The following LAMC1 variants were observed in gnomAD, a reference collection of about 807,000 sequenced individuals.
LAMC1 encodes laminin subunit gamma-1.
A neutral mutation model predicts 173.6 loss-of-function variants in LAMC1; 38 were observed. The ratio of observed to expected loss-of-function variants is 0.22; its 90% CI spans 0.17 to 0.29. The LOEUF (loss-of-function observed/expected upper bound fraction) is 0.29. LAMC1 is among the 10% of genes least tolerant of loss of function. The probability of loss-of-function intolerance (pLI) is 1.00; values close to 1 mark genes in which losing one functional copy is unlikely to be tolerated. For synonymous variants in LAMC1, 746 were observed against 749.1 expected, an observed-to-expected ratio of 1.00 and a Z score of 0.07; for missense variants, 1,824 against 2,051.8, an observed-to-expected ratio of 0.89 and a Z score of 2.14.
chr1:183,125,324 T>G, intron 14 of LAMC1, 73 bp from the exon 15 acceptor site: 1 of 1,530,898 alleles, frequency 6.5e-7, no homozygotes, highest in Non-Finnish European at 9.0e-7. Context: ...AAAGAATCTC[T>G]TTAGGTTGTT....
At chr1:183,059,386 A>G (rs1326667217) in intron 1 of LAMC1, among the ~76,000 whole-genome samples, 1 of 152,162 alleles carries the variant, frequency 6.6e-6, no homozygotes, top group Non-Finnish European at 1.5e-5. Context: ...TGTGGTTTGT[A>G]TTAATAACTC....
chr1:183,133,316 C>A, intron 21 of LAMC1, 90 bp from the exon 22 acceptor site: 1 of 1,093,054 alleles, frequency 9.1e-7, no homozygotes, highest in Non-Finnish European at 1.3e-6. Flanking sequence ...AGGTTTTGGG[C>A]GTATTATCAC....
intron 11 of LAMC1, among the ~76,000 whole-genome samples, chr1:183,120,854 T>C (rs1435668097): frequency 6.6e-6 from 1 of 152,212 alleles, no homozygotes; most frequent in Non-Finnish European, 1.5e-5. Flanking sequence ...TTTTTGGCTG[T>C]TTTACAGAGG....
At chr1:183,077,148 C>A (rs1655137039) in intron 1 of LAMC1, among the ~76,000 whole-genome samples, 1 of 152,140 alleles carries the variant, frequency 6.6e-6, no homozygotes, top group African/African-American at 2.4e-5. Flanking sequence ...CAATCTCAAA[C>A]CCAACTTGCC....
intron 21 of LAMC1, 146 bp from the exon 22 acceptor site, chr1:183,133,260 A>C: frequency 1.4e-6 from 1 of 715,854 alleles, no homozygotes; most frequent in Non-Finnish European, 2.4e-6. Flanking sequence ...AAATATGCAA[A>C]ATGTTGGTAT....
At chr1:183,026,451 C>T (rs970659248) in intron 1 of LAMC1, among the ~76,000 whole-genome samples, 3 of 151,842 alleles carry the variant, frequency 2.0e-5, no homozygotes, top group African/African-American at 7.3e-5. Context: ...ATGTATGTTT[C>T]GATCAACAAT....
chr1:183,075,520 C>T (rs1484171676), intron 1 of LAMC1, among the ~76,000 whole-genome samples: 1 of 152,190 alleles, frequency 6.6e-6, no homozygotes, highest in Non-Finnish European at 1.5e-5. Context: ...TATTTCTTGG[C>T]ATACTCCTGT....
At chr1:183,085,855 G>GCT (rs1655413406) in intron 1 of LAMC1, among the ~76,000 whole-genome samples, 2 of 152,210 alleles carry the variant, frequency 1.3e-5, no homozygotes. Context: ...CCATTCTTTT[G>GCT]CTCTTGTTTT....
chr1:183,024,220 G>A, intron 1 of LAMC1, 86 bp downstream of exon 1: 1 of 1,320,486 alleles, frequency 7.6e-7, no homozygotes, highest in Non-Finnish European at 1.0e-6. Flanking sequence ...CGGCCTCACG[G>A]GCGCAGACGG....
At position 183,127,410 on chromosome 1, in the gene LAMC1, C is replaced by T. The variant is rs778776505; in HGVS notation, c.3123+6C>T. On this transcript the variant is annotated splice_donor_region_variant and intron_variant, in intron 17 of 27. Transcript: ENST00000258341. ...ACCGGCTGGTAAAGGATAAGGTAAG[C>T]TGTCAATAGTGCATTCATTCATTCA... 4 of 1,613,398 alleles carry T rather than the reference C, an allele frequency of 2.5e-6. No homozygotes were observed. The highest frequency in any genetic ancestry group is 3.4e-6 in the Non-Finnish European group (4 of 1,179,586).
At chr1:183,070,154 C>T (rs1654977341) in intron 1 of LAMC1, among the ~76,000 whole-genome samples, 1 of 152,130 alleles carries the variant, frequency 6.6e-6, no homozygotes, top group African/African-American at 2.4e-5. Flanking sequence ...TTCCATAGCC[C>T]TTTTATAAGG....
At chr1:183,048,307 C>T (rs1654322709) in intron 1 of LAMC1, among the ~76,000 whole-genome samples, 1 of 152,190 alleles carries the variant, frequency 6.6e-6, no homozygotes, top group Non-Finnish European at 1.5e-5. Context: ...CATTGTCCCT[C>T]AGTGTAATTT....
chr1:183,090,234 A>T (rs1479652396), intron 1 of LAMC1, among the ~76,000 whole-genome samples: 1 of 152,152 alleles, frequency 6.6e-6, no homozygotes, highest in Non-Finnish European at 1.5e-5. Context: ...CTTAACAGTC[A>T]TTAGAAAAAA....
Position 183,135,123 on chromosome 1 carries a change from C to G in LAMC1, c.4081C>G (p.Gln1361Glu). 1.2e-6 allele frequency: 2 copies of G among 1,613,712 alleles called. No individual in the cohort carries two copies. The highest frequency in any genetic ancestry group is 1.7e-6 in the Non-Finnish European group (2 of 1,179,634). ...EAAKKGRDTLQEANDILNNLK... is the reference protein window; with the variant it reads ...EAAKKGRDTLEEANDILNNLK... The stretch of plus-strand genomic sequence containing the variant: ...TGCAAAGAAGGGACGGGATACCTTA[C>G]AAGAAGCTAATGACATTCTCAACAA... The change falls in exon 24 of 28, where the codon CAA becomes GAA. Residue 1361 changes from glutamine to glutamate, a missense_variant. Coordinates refer to ENST00000258341, the MANE Select transcript of LAMC1 (RefSeq NM_002293.4).
intron 1 of LAMC1, among the ~76,000 whole-genome samples, chr1:183,028,151 CCT>C (rs34099733): frequency 0.32 from 46,654 of 146,126 alleles, 8,064 homozygotes; most frequent in East Asian, 0.46. Context: ...ATAAGGCATT[CCT>C]CCCCCCCCCC....
chr1:183,088,800 T>C (rs906853646), intron 1 of LAMC1, among the ~76,000 whole-genome samples: 138 of 152,162 alleles, frequency 9.1e-4, no homozygotes, highest in African/African-American at 3.1e-3. Flanking sequence ...TTGGAAGGGG[T>C]GAAGACTAGA....
At chr1:183,121,665 T>C in intron 11 of LAMC1, 58 bp from the exon 12 acceptor site, 1 of 1,469,572 alleles carries the variant, frequency 6.8e-7, no homozygotes, top group Non-Finnish European at 9.2e-7. Flanking sequence ...TTACTGACTT[T>C]ACACAAGGTT....
intron 1 of LAMC1, among the ~76,000 whole-genome samples, chr1:183,069,103 C>T (rs1271757631): frequency 3.3e-5 from 5 of 152,176 alleles, no homozygotes; most frequent in Non-Finnish European, 2.9e-5. Flanking sequence ...ATTACAGACT[C>T]TCTACTGTAC....
At chr1:183,080,243 A>T (rs547035342) in intron 1 of LAMC1, among the ~76,000 whole-genome samples, 3 of 152,294 alleles carry the variant, frequency 2.0e-5, no homozygotes, top group Non-Finnish European at 4.4e-5. Context: ...CTGTCTTAAA[A>T]GAAAAAAAAA....
Sources: allele counts gnomAD v4.1 joint callset (sites outside exome capture counted in the v4.1 genomes callset), GRCh38; gene constraint gnomAD v4.1.1; transcripts MANE v1.5; gene names NCBI Gene and HGNC (gene_info 2026-07-23, HGNC 2026-07-21).